The following PARP14 variants were observed in gnomAD, a reference collection of about 807,000 sequenced individuals.
PARP14 encodes the protein poly(ADP-ribose) polymerase family member 14.
In PARP14, 59 loss-of-function variants were observed where a neutral mutation model predicts 154.2. The observed-to-expected ratio is 0.38, with a 90% CI of 0.31 to 0.48. The LOEUF is 0.48. Among genes scored for constraint, PARP14 ranks in the 20% least tolerant of loss-of-function variants. The pLI is 0.98. For synonymous variants in PARP14, 720 were observed against 780.5 expected, an observed-to-expected ratio of 0.92 and a Z score of 1.29; for missense variants, 1,734 against 2,131.6, an observed-to-expected ratio of 0.81 and a Z score of 3.67.
At position 122,728,837 on chromosome 3, in the gene PARP14, C is replaced by A; in HGVS notation, c.*240C>A. On this transcript the variant is annotated 3_prime_UTR_variant, in exon 17 of 17. Coordinates refer to ENST00000474629, the MANE Select transcript of PARP14 (RefSeq NM_017554.3). ...TAATGCAGTTGCAACTGTGTGTCCA[C>A]AAGTATGGACATCAAATCTGTGGGA... 2.2e-6 allele frequency: 1 copy of A among 445,192 alleles called. No individual in the cohort carries two copies. Among genetic ancestry groups the A allele is most frequent in the Non-Finnish European group, 4.1e-6 (1 of 245,014 alleles). 27.6% of individuals were successfully genotyped at this position (445,192 alleles called of 1,614,324 possible).
chr3:122,703,698 C>T (rs773894685), intron 6 of PARP14, 44 bp from the exon 7 acceptor site: 2 of 1,213,752 alleles, frequency 1.6e-6, no homozygotes. Context: ...TTGATGAATG[C>T]TTTTTGTTAA....
chr3:122,719,214 A>G (rs1360714812), intron 14 of PARP14, among the ~76,000 whole-genome samples: 1 of 152,200 alleles, frequency 6.6e-6, no homozygotes, highest in Non-Finnish European at 1.5e-5. Context: ...TCATCTCTAC[A>G]GTTTATAAGC....
chr3:122,717,504 T>C (rs1933029437), intron 12 of PARP14, among the ~76,000 whole-genome samples: 1 of 151,936 alleles, frequency 6.6e-6, no homozygotes, highest in Admixed American at 6.6e-5. Flanking sequence ...ATAGATAACT[T>C]GTGTCTGAAA....
chr3:122,681,951 G>T lies in PARP14; in HGVS notation c.187+881G>T, dbSNP rs1377463651. Among the ~76,000 whole-genome samples the T allele has an allele frequency of 6.6e-6, 1 of 152,094 alleles. No individual in the cohort carries two copies. Among genetic ancestry groups the T allele is most frequent in the Non-Finnish European group, 1.5e-5 (1 of 68,022 alleles). On this transcript the variant is annotated intron_variant, in intron 1 of 16. Transcript: ENST00000474629. The surrounding 1 kb of genome is among the most constrained non-coding windows in gnomAD (Gnocchi z 5.5). ...CGGGATCTAGTCAACCCCTAATTCC[G>T]CTTTCATGTCGCTAGATTTGGAGAA...
intron 14 of PARP14, among the ~76,000 whole-genome samples, chr3:122,719,827 A>C (rs376738717): frequency 6.6e-6 from 1 of 152,220 alleles, no homozygotes; most frequent in Non-Finnish European, 1.5e-5. Flanking sequence ...TGTGGTGGTG[A>C]TGGTGAGGAG....
chr3:122,706,646 C>A (rs1373110731), intron 8 of PARP14, among the ~76,000 whole-genome samples: 1 of 152,252 alleles, frequency 6.6e-6, no homozygotes, highest in East Asian at 1.9e-4. Context: ...ACCTACCTGG[C>A]TCCTAGAAGC....
At chr3:122,685,781 T>G (rs1270599882) in intron 2 of PARP14, among the ~76,000 whole-genome samples, 1 of 152,012 alleles carries the variant, frequency 6.6e-6, no homozygotes, top group Non-Finnish European at 1.5e-5. Flanking sequence ...GTGCTGGGAT[T>G]ACAGTCATGA....
At position 122,703,907 on chromosome 3, in the gene PARP14, A is replaced by T. The variant is rs1939064733; in HGVS notation, c.3247A>T (p.Asn1083Tyr). 1.2e-6 allele frequency: 2 copies of T among 1,613,986 alleles called. No homozygotes were observed. The highest frequency in any genetic ancestry group is 1.7e-6 in the Non-Finnish European group (2 of 1,179,906). The change falls in exon 7 of 17, where the codon AAT becomes TAT. Residue 1083 changes from asparagine to tyrosine, a missense_variant. By Grantham distance (143) the Asn-to-Tyr change is moderately radical. This residue lies in a region of PARP14 where 1,646 missense variants were observed against 1,976.0 expected (regional missense o/e 0.83). Coordinates refer to ENST00000474629, the MANE Select transcript of PARP14 (RefSeq NM_017554.3). ...MGTVLKTSSW[N>Y]LDCRYVLHVV... ...CACAGTGCTCAAAACCAGCAGCTGG[A>T]ATCTGGACTGTCGCTATGTGCTTCA...
intron 1 of PARP14, among the ~76,000 whole-genome samples, chr3:122,683,013 C>G (rs1938262021): frequency 1.3e-5 from 2 of 152,176 alleles, no homozygotes; most frequent in Non-Finnish European, 2.9e-5. Flanking sequence ...TGAGATCGCA[C>G]CACTGCACTC....
chr3:122,705,090 C>A (rs77870107), intron 8 of PARP14, among the ~76,000 whole-genome samples: 7,700 of 152,254 alleles, frequency 0.051, 267 homozygotes, highest in Middle Eastern at 0.11. Flanking sequence ...CTTCTATATT[C>A]TTTTGAAGCA....
At chr3:122,702,920 G>T (rs1939021293) in intron 6 of PARP14, among the ~76,000 whole-genome samples, 2 of 144,416 alleles carry the variant, frequency 1.4e-5, no homozygotes, top group Non-Finnish European at 3.0e-5. Flanking sequence ...AACCCTAGGA[G>T]TTTGAGGCTG....
Position 122,692,465 on chromosome 3 carries a change from G to A in PARP14, c.520G>A (p.Gly174Ser). The change falls in exon 4 of 17, where the codon GGC (glycine) becomes AGC (serine). Residue 174 changes from glycine to serine, a missense_variant. Physicochemically the swap from Gly to Ser is moderately conservative, Grantham distance 56 (BLOSUM62 0). Around this residue, in one of 2 missense-constraint regions of PARP14, gnomAD observed 1,646 missense variants for 1,976.0 expected, o/e 0.83. Transcript: ENST00000474629. ...AATCTTGTTAGTGGAGAACATAAGT[G>A]GCCTGTCTAATGATGACTTTCAAGT... ...MLILLVENIS[G>S]LSNDDFQVEI... 6.2e-7 allele frequency: 1 copy of A among 1,613,344 alleles called. No individual in the cohort carries two copies. The highest frequency in any genetic ancestry group is 2.2e-5 in the East Asian group (1 of 44,860).
At chr3:122,706,513 C>A (rs1055004660) in intron 8 of PARP14, among the ~76,000 whole-genome samples, 3 of 152,118 alleles carry the variant, frequency 2.0e-5, no homozygotes, top group African/African-American at 7.2e-5. Context: ...CAACCTAAAA[C>A]TTCAAAACTT....
In PARP14 at chr3:122,687,071, G is replaced by A. The variant is rs897435663; in HGVS notation, c.322-9G>A. The A allele has an allele frequency of 6.3e-7, 1 of 1,575,930 alleles. No individual in the cohort carries two copies. The highest frequency in any genetic ancestry group is 1.8e-5 in the Admixed American group (1 of 56,732). On this transcript the variant is annotated splice_polypyrimidine_tract_variant and intron_variant, in intron 2 of 16. Transcript: ENST00000474629. ...ATGTATTAATGCTACTTTATTGTTT[G>A]TGTTTCAGGAATCCAAGACCAAAGA...
chr3:122,695,132 G>A (rs1051781774), intron 4 of PARP14, among the ~76,000 whole-genome samples: 2 of 152,318 alleles, frequency 1.3e-5, no homozygotes, highest in African/African-American at 4.8e-5. Context: ...CTTGAGAAAG[G>A]GGTGAAATGA....
chr3:122,682,039 G>C (rs1681031122), intron 1 of PARP14, among the ~76,000 whole-genome samples: 1 of 152,170 alleles, frequency 6.6e-6, no homozygotes, highest in Non-Finnish European at 1.5e-5. Context: ...GAGTGCCCAA[G>C]CAGGGATCCA....
At chr3:122,691,515 C>CT (rs1035950788) in intron 3 of PARP14, among the ~76,000 whole-genome samples, 1 of 152,152 alleles carries the variant, frequency 6.6e-6, no homozygotes, top group African/African-American at 2.4e-5. Context: ...TATAGGGATC[C>CT]TTTTTTCTTT....
intron 14 of PARP14, 48 bp from the exon 15 acceptor site, chr3:122,720,205 CAG>C (rs778351481): frequency 6.4e-7 from 1 of 1,571,168 alleles, no homozygotes; most frequent in African/African-American, 1.3e-5. Context: ...CTAAATGTTC[CAG>C]AGTGTACCGG....
chr3:122,698,346 G>A (rs1938845699), intron 5 of PARP14, among the ~76,000 whole-genome samples: 1 of 152,202 alleles, frequency 6.6e-6, no homozygotes. Flanking sequence ...CAGATGCTCT[G>A]CTTAATAACT....
Sources: allele counts gnomAD v4.1 joint callset (sites outside exome capture counted in the v4.1 genomes callset), GRCh38; gene constraint gnomAD v4.1.1; regional missense constraint gnomAD v4.1.1; non-coding constraint Gnocchi (gnomAD v3.1); transcripts MANE v1.5; gene names NCBI Gene and HGNC (gene_info 2026-07-23, HGNC 2026-07-21).